Variants in ABCC2 observed in about 807,000 individuals in gnomAD.
ABCC2 encodes ATP-binding cassette sub-family C member 2.
ABCC2 carries 157 observed loss-of-function variants against 173.4 expected under a neutral mutation model. The ratio of observed to expected loss-of-function variants is 0.91; its 90% CI spans 0.80 to 1.03. The LOEUF (loss-of-function observed/expected upper bound fraction) is 1.03. Ranked by LOEUF, ABCC2 falls within the 50% of genes least tolerant of loss-of-function variation. The pLI is 0.00. For missense variants in ABCC2, 1,822 were observed against 1,852.3 expected, an observed-to-expected ratio of 0.98 and a Z score of 0.30; for synonymous variants, 657 against 693.5, an observed-to-expected ratio of 0.95 and a Z score of 0.83.
intron 28 of ABCC2, 70 bp downstream of exon 28, chr10:99,844,535 C>T: frequency 3.8e-6 from 6 of 1,584,996 alleles, no homozygotes; most frequent in Non-Finnish European, 5.2e-6. Flanking sequence ...GAGTGGAGAG[C>T]AGCTGGGCCC....
In ABCC2 at chr10:99,797,228, G is replaced by A. The variant is rs139964853; in HGVS notation, c.764G>A (p.Arg255Gln). 2.0e-4 allele frequency: 316 copies of A among 1,613,956 alleles called. No homozygotes were observed. The highest frequency in any genetic ancestry group is 2.5e-4 in the Non-Finnish European group (300 of 1,180,008). The change falls in exon 7 of 32, where the codon CGG (arginine) becomes CAG (glutamine). Residue 255 changes from arginine to glutamine, a missense_variant. Arg to Gln is a conservative substitution (Grantham distance 43). Transcript: ENST00000647814. The part of the protein sequence containing the change: ...HMKRELQKAR[R>Q]ALQRRQEKSS... Reference sequence around the variant, plus strand: ...AAGAGAGAGCTGCAGAAAGCCAGGCGGGCACTCCAGAGACGGCAGGAGAAG... The same window carrying A: ...AAGAGAGAGCTGCAGAAAGCCAGGCAGGCACTCCAGAGACGGCAGGAGAAG...
At chr10:99,830,234 TTC>T in intron 19 of ABCC2, 71 bp from the exon 20 acceptor site, 2 of 1,591,598 alleles carry the variant, frequency 1.3e-6, no homozygotes, top group East Asian at 4.5e-5. Flanking sequence ...CAGAGGAGGC[TTC>T]TCTCTCCTTG....
At chr10:99,835,528 T>C (rs1308880684) in intron 24 of ABCC2, among the ~76,000 whole-genome samples, 1 of 152,082 alleles carries the variant, frequency 6.6e-6, no homozygotes. Flanking sequence ...TTCTACCCTG[T>C]TCCAGTTCTT....
At chr10:99,819,015 G>C in intron 18 of ABCC2, 58 bp downstream of exon 18, 1 of 1,603,088 alleles carries the variant, frequency 6.2e-7, no homozygotes, top group South Asian at 1.1e-5. Context: ...GAGAGGGGAG[G>C]ACATGTCTGG....
chr10:99,831,365 G>A (rs2038734756), intron 21 of ABCC2, among the ~76,000 whole-genome samples: 1 of 152,126 alleles, frequency 6.6e-6, no homozygotes, highest in Admixed American at 6.5e-5. Flanking sequence ...GTCCCAATCT[G>A]TTTTTATATC....
intron 14 of ABCC2, among the ~76,000 whole-genome samples, chr10:99,810,901 G>A (rs1003127403): frequency 2.0e-5 from 3 of 152,102 alleles, no homozygotes; most frequent in Non-Finnish European, 4.4e-5. Flanking sequence ...GTGCATGCCT[G>A]TAATCCCAGC....
chr10:99,841,209 A>T (rs1168976461), intron 25 of ABCC2, among the ~76,000 whole-genome samples: 1 of 152,072 alleles, frequency 6.6e-6, no homozygotes, highest in Admixed American at 6.6e-5. Context: ...TCACTATGGC[A>T]TTGCTTCCCC....
At chr10:99,809,245 C>T (rs951251348) in intron 13 of ABCC2, among the ~76,000 whole-genome samples, 3 of 152,056 alleles carry the variant, frequency 2.0e-5, no homozygotes, top group African/African-American at 7.2e-5. Flanking sequence ...CCCAGCTACT[C>T]GAGAGGCTGA....
intron 7 of ABCC2, 23 bp from the exon 8 acceptor site, chr10:99,799,184 C>A: frequency 6.2e-7 from 1 of 1,613,548 alleles, no homozygotes; most frequent in Non-Finnish European, 8.5e-7. Flanking sequence ...TCTGTGGACA[C>A]TGTTGTTTGG....
chr10:99,804,121 A>G lies in ABCC2; in HGVS notation c.1312A>G (p.Met438Val), dbSNP rs769259115. 13 of 1,614,082 alleles carry G rather than the reference A, an allele frequency of 8.1e-6. No individual in the cohort carries two copies. The highest frequency in any genetic ancestry group is 1.1e-5 in the Non-Finnish European group (13 of 1,180,052). Reference protein sequence around the residue: ...AQKLMDVTNFMHMLWSSVLQI... With the variant: ...AQKLMDVTNFVHMLWSSVLQI... Reference sequence around the variant, plus strand: ...GAAGCTCATGGATGTGACCAACTTCATGCACATGCTGTGGTCAAGTGTTCT... The same window carrying G: ...GAAGCTCATGGATGTGACCAACTTCGTGCACATGCTGTGGTCAAGTGTTCT... Residue 438 changes from methionine to valine, a missense_variant, in exon 10 of 32, where the codon ATG (methionine) becomes GTG (valine). Coordinates refer to ENST00000647814, the MANE Select transcript of ABCC2 (RefSeq NM_000392.5).
intron 15 of ABCC2, 26 bp downstream of exon 15, chr10:99,811,628 T>C: frequency 6.2e-7 from 1 of 1,613,190 alleles, no homozygotes; most frequent in South Asian, 1.1e-5. Flanking sequence ...TCCATCCTAA[T>C]GTTCTTTAGC....
At chr10:99,786,712 C>T (rs2037716555) in intron 2 of ABCC2, among the ~76,000 whole-genome samples, 1 of 151,122 alleles carries the variant, frequency 6.6e-6, no homozygotes, top group African/African-American at 2.4e-5. Context: ...ACTAAAAATA[C>T]AAAAACATTC....
At chr10:99,814,189 A>G (rs1217147261) in intron 16 of ABCC2, among the ~76,000 whole-genome samples, 2 of 95,430 alleles carry the variant, frequency 2.1e-5, no homozygotes, top group Non-Finnish European at 4.5e-5. Flanking sequence ...GTATGTATAC[A>G]CACATGTGTA....
chr10:99,792,090 A>G (rs1424727286), intron 2 of ABCC2, 144 bp from the exon 3 acceptor site: 2 of 1,017,890 alleles, frequency 2.0e-6, no homozygotes, highest in Non-Finnish European at 3.0e-6. Context: ...CTTGAACTGT[A>G]TGTATCCATT....
At chr10:99,822,794 T>A (rs1266506016) in intron 19 of ABCC2, among the ~76,000 whole-genome samples, 2 of 152,196 alleles carry the variant, frequency 1.3e-5, no homozygotes, top group South Asian at 4.1e-4. Context: ...TAATTGAGTT[T>A]TGAGTGTTCT....
At chr10:99,818,561 T>C (rs1176073199) in intron 17 of ABCC2, among the ~76,000 whole-genome samples, 2 of 152,222 alleles carry the variant, frequency 1.3e-5, no homozygotes, top group Non-Finnish European at 2.9e-5. Flanking sequence ...GCAACAAAAC[T>C]ATTAAATAAG....
At position 99,847,164 on chromosome 10, in the gene ABCC2, AG is replaced by A. The variant is rs542976437; in HGVS notation, c.4313+38del. On this transcript the variant is annotated intron_variant, in intron 30 of 31. Coordinates refer to ENST00000647814, the MANE Select transcript of ABCC2 (RefSeq NM_000392.5). ...TAGCCTGCTACCCCTGCAGGCAATG[AG>A]AGGATGTGAGGGGGCCACTCCTCGT... is the stretch of plus-strand genomic sequence containing the variant. 95 of 1,611,606 alleles carry A rather than the reference AG, an allele frequency of 5.9e-5. No individual in the cohort carries two copies. In the East Asian group the frequency reaches 1.2e-3, roughly 21 times the overall value.
chr10:99,829,002 T>C (rs1437954471), intron 19 of ABCC2, among the ~76,000 whole-genome samples: 2 of 151,734 alleles, frequency 1.3e-5, no homozygotes, highest in African/African-American at 4.8e-5. Context: ...ATTCCCCAGC[T>C]TTTCCTTTTA....
Position 99,850,749 on chromosome 10 carries a change from A to G in ABCC2, c.4461A>G (p.Thr1487=), listed in dbSNP as rs749475472. ...TTIQNEFAHC[T]VITIAHRLHT... ...TCCAAAACGAGTTCGCCCACTGCAC[A>G]GTGATCACCATCGCCCACAGGCTGC... Residue 1487 remains threonine, a synonymous_variant, in exon 31 of 32, where the codon ACA becomes ACG. Coordinates refer to ENST00000647814, the MANE Select transcript of ABCC2 (RefSeq NM_000392.5). The G allele has an allele frequency of 5.6e-6, 9 of 1,614,096 alleles. No individual in the cohort carries two copies. The African/African-American group carries it at 8.0e-5, about 14-fold the overall frequency.
Sources: gnomAD v4.1 joint callset for allele counts (sites outside exome capture counted in the v4.1 genomes callset) on GRCh38, gnomAD v4.1.1 for gene constraint, MANE v1.5 for transcripts, NCBI Gene and HGNC (gene_info 2026-07-23, HGNC 2026-07-21) for gene names.